The following STK40 variants were observed in gnomAD, a reference collection of about 807,000 sequenced individuals.
STK40 encodes serine/threonine-protein kinase 40.
In STK40, 13 loss-of-function variants were observed where a neutral mutation model predicts 47.9. The ratio of observed to expected loss-of-function variants is 0.27; its 90% CI spans 0.18 to 0.43. The LOEUF is 0.43. Ranked by LOEUF, STK40 falls within the 20% of genes least tolerant of loss-of-function variation. The pLI is 1.00. For synonymous variants in STK40, 225 were observed against 243.2 expected (o/e 0.93, Z 0.69); for missense variants, 460 against 595.1 (o/e 0.77, Z 2.36).
intron 4 of STK40, 87 bp from the exon 5 acceptor site, chr1:36,355,520 A>G: frequency 7.2e-7 from 1 of 1,393,480 alleles, no homozygotes; most frequent in African/African-American, 1.4e-5. Context: ...GGAGTGGGAC[A>G]CTCAAACCAG....
At chr1:36,373,987 G>A (rs1286850692) in intron 1 of STK40, among the ~76,000 whole-genome samples, 1 of 152,220 alleles carries the variant, frequency 6.6e-6, no homozygotes, top group East Asian at 1.9e-4. Flanking sequence ...AAGTGGGAGG[G>A]GCGGTCAGCA....
At chr1:36,356,105 C>T (rs1385182443) in intron 4 of STK40, among the ~76,000 whole-genome samples, 3 of 152,074 alleles carry the variant, frequency 2.0e-5, no homozygotes, top group African/African-American at 4.8e-5. Flanking sequence ...AGTTCCTCAT[C>T]GGTAAAAGGG....
chr1:36,349,977 A>C (rs1433652827), intron 6 of STK40, among the ~76,000 whole-genome samples: 1 of 152,164 alleles, frequency 6.6e-6, no homozygotes, highest in African/African-American at 2.4e-5. Flanking sequence ...ATCAGCTCTC[A>C]GAGGCAGAGG....
chr1:36,361,070 A>G, intron 2 of STK40, 151 bp downstream of exon 2: 1 of 811,778 alleles, frequency 1.2e-6, no homozygotes, highest in South Asian at 1.7e-5. Context: ...TCAAGTAGTG[A>G]AGCTAGGGAC....
Position 36,361,244 on chromosome 1 carries a change from T to C in STK40, c.89A>G (p.Lys30Arg). ...LGSGISGNNA[K>R]RAGPFILGPR... The stretch of plus-strand genomic sequence containing the variant: ...ACCAAGGATGAATGGTCCAGCTCTC[T>C]TTGCATTATTTCCAGAAATCCCACT... The change falls in exon 2 of 11, where the codon AAG becomes AGG. Residue 30 changes from lysine to arginine, a missense_variant. Around this residue, in one of 3 missense-constraint regions of STK40, gnomAD observed 277 missense variants for 358.7 expected, o/e 0.77. Coordinates refer to ENST00000373132, the MANE Select transcript of STK40 (RefSeq NM_001282547.2). 1 of 1,614,196 alleles carries C rather than the reference T, an allele frequency of 6.2e-7. No individual in the cohort carries two copies.
chr1:36,341,433 T>G lies in STK40; in HGVS notation c.*322A>C. On this transcript the variant is annotated 3_prime_UTR_variant, in exon 11 of 11. Transcript: ENST00000373132. ...CGCTGGGGAAGGCCCTGGAGTGGGG[T>G]GAGCAGGCTCCCTCCTCCCTCTTGC... 1 of 285,210 alleles carries G rather than the reference T, an allele frequency of 3.5e-6. No individual in the cohort carries two copies. The allele number at this position is 285,210 out of a possible 1,614,324, so 17.7% of individuals were successfully genotyped here.
intron 7 of STK40, 39 bp downstream of exon 7, chr1:36,348,661 A>T (rs1371386169): frequency 3.9e-6 from 6 of 1,555,668 alleles, no homozygotes; most frequent in African/African-American, 2.7e-5. Context: ...GCCTGGCTGT[A>T]TTGAGCTTAG....
At chr1:36,356,476 A>G (rs12128886) in intron 4 of STK40, among the ~76,000 whole-genome samples, 2,456 of 127,480 alleles carry the variant, frequency 0.019, 32 homozygotes, top group Middle Eastern at 0.035. Flanking sequence ...CCCAGGCTGG[A>G]GTGCAGTGTC....
intron 1 of STK40, among the ~76,000 whole-genome samples, chr1:36,373,875 T>A (rs1003205883): frequency 2.0e-5 from 3 of 152,220 alleles, no homozygotes; most frequent in African/African-American, 7.2e-5. Context: ...TAACCAGAGC[T>A]CTCTTTGTAT....
chr1:36,348,661 A>G (rs1371386169), intron 7 of STK40, 39 bp downstream of exon 7: 9 of 1,555,786 alleles, frequency 5.8e-6, no homozygotes, highest in Non-Finnish European at 7.9e-6. Context: ...GCCTGGCTGT[A>G]TTGAGCTTAG....
intron 5 of STK40, among the ~76,000 whole-genome samples, chr1:36,354,764 G>T (rs1646787562): frequency 6.6e-6 from 1 of 152,142 alleles, no homozygotes; most frequent in Non-Finnish European, 1.5e-5. Flanking sequence ...GAGCTGTCAT[G>T]GCTTTGTGAC....
At chr1:36,355,109 C>T in intron 5 of STK40, 97 bp downstream of exon 5, 5 of 1,285,198 alleles carry the variant, frequency 3.9e-6, no homozygotes, top group Non-Finnish European at 5.5e-6. Flanking sequence ...CTGCAAAGCA[C>T]ACCTGGGTGC....
rs533358949 is a variant in STK40, at chr1:36,362,240, C to T, written c.-8-900G>A. On this transcript the variant is annotated intron_variant, in intron 1 of 10. Coordinates refer to ENST00000373132, the MANE Select transcript of STK40 (RefSeq NM_001282547.2). ...AAGAGGAGTTGTCTCTTCCAGCTCT[C>T]CAAAGTCAAACACCTTGGCAAAGCA... Among the ~76,000 whole-genome samples, 53 of 152,242 alleles carry T rather than the reference C, an allele frequency of 3.5e-4. 1 individual carries two copies. The highest frequency in any genetic ancestry group is 1.2e-3 in the African/African-American group (51 of 41,534).
In STK40 at chr1:36,341,789, G is replaced by A. The variant is rs769273778; in HGVS notation, c.1274C>T (p.Thr425Met). Residue 425 changes from threonine (T) to methionine (M), a missense_variant, in exon 11 of 11, where the codon ACG becomes ATG. Transcript: ENST00000373132. ...HDAQPMTSLD[T>M]AILAQRYLRK ...CAGGTAGCGCTGCGCCAGGATGGCC[G>A]TGTCCAAGGAGGTCATGGGCTGTGC... is the stretch of plus-strand genomic sequence containing the variant. 8.7e-6 allele frequency: 14 copies of A among 1,612,396 alleles called. No homozygotes were observed. The Admixed American group carries it at 1.2e-4, about 13-fold the overall frequency.
chr1:36,350,291 C>T (rs1646740642), intron 6 of STK40, among the ~76,000 whole-genome samples: 1 of 152,218 alleles, frequency 6.6e-6, no homozygotes, highest in Non-Finnish European at 1.5e-5. Flanking sequence ...TCCAGTGCCG[C>T]TGCCCTGAAT....
intron 4 of STK40, among the ~76,000 whole-genome samples, chr1:36,357,773 T>C (rs1297179173): frequency 1.3e-5 from 2 of 152,092 alleles, no homozygotes; most frequent in African/African-American, 2.4e-5. Context: ...TGCGCCGCCA[T>C]GCCCAGCTAA....
chr1:36,381,870 T>A (rs566940276), intron 1 of STK40, among the ~76,000 whole-genome samples: 11 of 152,200 alleles, frequency 7.2e-5, no homozygotes, highest in South Asian at 6.2e-4. Context: ...TCCACTGGGT[T>A]CCCCCACATG....
intron 1 of STK40, chr1:36,367,984 G>T: frequency 1.7e-6 from 1 of 602,362 alleles, no homozygotes; most frequent in Non-Finnish European, 2.1e-6. Flanking sequence ...GGTGCCTCCA[G>T]CTTAAGATCT....
chr1:36,344,100 C>A lies in STK40; in HGVS notation c.884+20G>T. 1 of 1,581,940 alleles carries A rather than the reference C, an allele frequency of 6.3e-7. No homozygotes were observed. The highest frequency in any genetic ancestry group is 8.6e-7 in the Non-Finnish European group (1 of 1,162,564). On this transcript the variant is annotated intron_variant, in intron 8 of 10. Transcript: ENST00000373132. ...CATCAGGCTGGCTGCCCCCCCCACCCCCCGGGAGGCAGGACTCACTCAGGA... is the reference window on the plus strand; with the variant it reads ...CATCAGGCTGGCTGCCCCCCCCACCACCCGGGAGGCAGGACTCACTCAGGA...
Sources: gnomAD v4.1 joint callset for allele counts (sites outside exome capture counted in the v4.1 genomes callset) on GRCh38, gnomAD v4.1.1 for gene constraint, gnomAD v4.1.1 regional missense constraint, MANE v1.5 for transcripts, NCBI Gene and HGNC (gene_info 2026-07-23, HGNC 2026-07-21) for gene names.